The following MSRB3 variants were observed in gnomAD, a reference collection of about 807,000 sequenced individuals.
MSRB3 encodes methionine-R-sulfoxide reductase B3.
A neutral mutation model predicts 21.0 loss-of-function variants in MSRB3; 13 were observed. The ratio of observed to expected loss-of-function variants is 0.62; its 90% CI spans 0.40 to 0.98. MSRB3 has a LOEUF of 0.98. Ranked by LOEUF, MSRB3 falls within the 50% of genes least tolerant of loss-of-function variation. The pLI is 0.00. For synonymous variants in MSRB3, 87 were observed against 88.6 expected (o/e 0.98, Z 0.10); for missense variants, 199 against 230.3 (o/e 0.86, Z 0.88).
intron 5 of MSRB3, among the ~76,000 whole-genome samples, chr12:65,377,422 GC>G (rs1878687829): frequency 6.6e-6 from 1 of 151,470 alleles, no homozygotes; most frequent in East Asian, 1.9e-4. Flanking sequence ...CAGGCGCCCT[GC>G]CCCCTCCTCC....
intron 4 of MSRB3, among the ~76,000 whole-genome samples, chr12:65,330,463 A>T (rs888689609): frequency 2.0e-5 from 3 of 151,968 alleles, no homozygotes; most frequent in Admixed American, 6.6e-5. Context: ...TTTTGGGAAA[A>T]ATTCCTTGCT....
chr12:65,422,961 CTT>C (rs141803317), intron 5 of MSRB3, among the ~76,000 whole-genome samples: 1 of 124,310 alleles, frequency 8.0e-6, no homozygotes, highest in Admixed American at 8.6e-5. Context: ...TTAGGGTTTT[CTT>C]TTTTTTTTTT....
chr12:65,417,796 G>T (rs1412543271), intron 5 of MSRB3, among the ~76,000 whole-genome samples: 1 of 152,110 alleles, frequency 6.6e-6, no homozygotes. Context: ...CTTCTAAGTT[G>T]TTCAAATGAC....
At chr12:65,354,513 G>A (rs1425133837) in intron 4 of MSRB3, among the ~76,000 whole-genome samples, 1 of 151,706 alleles carries the variant, frequency 6.6e-6, no homozygotes, top group Non-Finnish European at 1.5e-5. Flanking sequence ...CCAGTTGATC[G>A]AATCGGCTAC....
At chr12:65,313,684 C>G (rs1030938890) in intron 2 of MSRB3, among the ~76,000 whole-genome samples, 3 of 152,048 alleles carry the variant, frequency 2.0e-5, no homozygotes, top group Non-Finnish European at 2.9e-5. Context: ...TAAAGGAATT[C>G]TCTCCCTTGT....
intron 6 of MSRB3, among the ~76,000 whole-genome samples, chr12:65,456,417 A>G (rs1883093462): frequency 6.6e-6 from 1 of 152,238 alleles, no homozygotes; most frequent in African/African-American, 2.4e-5. Context: ...AGTCACATAG[A>G]TAACATCAGT....
intron 1 of MSRB3, among the ~76,000 whole-genome samples, chr12:65,304,051 C>G (rs564080785): frequency 6.6e-6 from 1 of 152,130 alleles, no homozygotes; most frequent in South Asian, 2.1e-4. Flanking sequence ...GGAATTTGGG[C>G]TTTATCAGAA....
intron 4 of MSRB3, among the ~76,000 whole-genome samples, chr12:65,339,187 A>AT (rs1370731706): frequency 6.6e-6 from 1 of 152,222 alleles, no homozygotes. Context: ...CTCTATTTAC[A>AT]TTTTGGGATG....
At chr12:65,396,696 A>AGAAAGAAAG (rs1555209314) in intron 5 of MSRB3, among the ~76,000 whole-genome samples, 4 of 23,532 alleles carry the variant, frequency 1.7e-4, no homozygotes, top group African/African-American at 4.9e-4. Context: ...CATCTCAAAA[A>AGAAAGAAAG]AAAAAAAAAA....
intron 4 of MSRB3, among the ~76,000 whole-genome samples, chr12:65,350,141 T>C (rs1318042304): frequency 6.6e-6 from 1 of 152,020 alleles, no homozygotes; most frequent in Admixed American, 6.6e-5. Context: ...TAGCCAGTTT[T>C]CCCAGCACCA....
At chr12:65,429,951 C>G (rs1565888517) in intron 5 of MSRB3, among the ~76,000 whole-genome samples, 1 of 152,156 alleles carries the variant, frequency 6.6e-6, no homozygotes, top group Non-Finnish European at 1.5e-5. Flanking sequence ...TCAGTCCCTG[C>G]ACTAGCAGAA....
intron 5 of MSRB3, among the ~76,000 whole-genome samples, chr12:65,433,578 T>C (rs1170996657): frequency 6.6e-6 from 1 of 151,842 alleles, no homozygotes; most frequent in East Asian, 1.9e-4. Context: ...GAATTATCAC[T>C]CTGGCCTTTC....
At chr12:65,453,126 A>G (rs1882931453) in intron 5 of MSRB3, among the ~76,000 whole-genome samples, 1 of 152,228 alleles carries the variant, frequency 6.6e-6, no homozygotes, top group Non-Finnish European at 1.5e-5. Context: ...CTGATGCTCT[A>G]TGAGTCTCTT....
chr12:65,442,411 T>C lies in MSRB3; in HGVS notation c.293-11317T>C, dbSNP rs551025157. ...AATGCTTTGTAGTGAATAGCCCTAA[T>C]TGAGAACTGCAGTTGAATGGATCAT... is the stretch of plus-strand genomic sequence containing the variant. On this transcript the variant is annotated intron_variant, in intron 5 of 6. Transcript: ENST00000308259. Among the ~76,000 whole-genome samples, 55 of 152,192 alleles carry C rather than the reference T, an allele frequency of 3.6e-4. 1 individual carries two copies. The South Asian group carries it at 0.011, about 31-fold the overall frequency.
chr12:65,370,110 TG>T (rs1181230899), intron 5 of MSRB3, among the ~76,000 whole-genome samples: 1 of 152,194 alleles, frequency 6.6e-6, no homozygotes, highest in Non-Finnish European at 1.5e-5. Flanking sequence ...CTTTGGATCC[TG>T]TGTCTTCTGC....
intron 4 of MSRB3, among the ~76,000 whole-genome samples, chr12:65,329,311 G>C (rs1238208289): frequency 6.6e-6 from 1 of 152,030 alleles, no homozygotes; most frequent in African/African-American, 2.4e-5. Flanking sequence ...GCTTCCCATG[G>C]GTTGCTGACT....
chr12:65,309,438 C>T (rs1385544204), intron 2 of MSRB3, among the ~76,000 whole-genome samples: 2 of 152,104 alleles, frequency 1.3e-5, no homozygotes, highest in African/African-American at 4.8e-5. Context: ...TAGATGTTAA[C>T]TATGCATGCC....
intron 4 of MSRB3, among the ~76,000 whole-genome samples, chr12:65,337,186 TGA>T (rs1288052184): frequency 2.0e-4 from 31 of 151,368 alleles, no homozygotes; most frequent in African/African-American, 7.5e-4. Flanking sequence ...GAGCTTGCAG[TGA>T]GCGGAGATCG....
chr12:65,386,746 A>C (rs1050483918), intron 5 of MSRB3, among the ~76,000 whole-genome samples: 1 of 151,968 alleles, frequency 6.6e-6, no homozygotes, highest in Non-Finnish European at 1.5e-5. Context: ...ATTTTAAAGA[A>C]ACAGTATCAT....
Sources: allele counts gnomAD v4.1 joint callset (sites outside exome capture counted in the v4.1 genomes callset), GRCh38; gene constraint gnomAD v4.1.1; transcripts MANE v1.5; gene names NCBI Gene and HGNC (gene_info 2026-07-23, HGNC 2026-07-21).